FN1: variants seen among roughly 807,000 people sequenced by gnomAD.
The protein encoded by FN1 is fibronectin 1, also known as fibronectin.
A neutral mutation model predicts 297.3 loss-of-function variants in FN1; 106 were observed. That is an observed-to-expected ratio of 0.36 (90% CI 0.30 to 0.42). The LOEUF is 0.42. FN1 is among the 10% of genes least tolerant of loss of function. The pLI is 1.00. For missense variants in FN1, 2,690 were observed against 3,124.9 expected (o/e 0.86, Z 3.32); for synonymous variants, 1,149 against 1,152.6 (o/e 1.00, Z 0.06).
Position 215,399,985 on chromosome 2 carries a change from C to T in FN1, c.3254-634G>A, listed in dbSNP as rs920157986. On this transcript the variant is annotated intron_variant, in intron 20 of 45. Coordinates refer to ENST00000354785, the MANE Select transcript of FN1 (RefSeq NM_212482.4). ...GGTGGATCACTTGAGGTCAGGAGTT[C>T]GAGACCAGGCTGGCAAACATGGTGA... Among the ~76,000 whole-genome samples the T allele has an allele frequency of 1.6e-4, 25 of 152,006 alleles. No individual in the cohort carries two copies. The East Asian group carries it at 4.5e-3, about 27-fold the overall frequency.
At chr2:215,378,542 G>T (rs748926475) in intron 34 of FN1, among the ~76,000 whole-genome samples, 3 of 152,024 alleles carry the variant, frequency 2.0e-5, no homozygotes, top group Non-Finnish European at 4.4e-5. Context: ...GGGTATTAGC[G>T]TATTTTTCTT....
At chr2:215,392,909 C>T (rs779814207) in intron 25 of FN1, 22 bp downstream of exon 25, 30 of 1,611,972 alleles carry the variant, frequency 1.9e-5, no homozygotes, top group Middle Eastern at 2.2e-4. Context: ...ATGTCTCAAA[C>T]GCAGAAGTTT....
At chr2:215,388,401 C>A in intron 26 of FN1, 100 bp from the exon 27 acceptor site, 1 of 848,776 alleles carries the variant, frequency 1.2e-6, no homozygotes. Flanking sequence ...TCCAAATGTC[C>A]AGTCCTATAG....
At position 215,362,901 on chromosome 2, in the gene FN1, C is replaced by T. The variant is rs142545267; in HGVS notation, c.7252-822G>A. The T allele has an allele frequency of 7.3e-3, 1,111 of 152,510 alleles. 5 individuals are homozygous for T. The highest frequency in any genetic ancestry group is 0.01 in the Admixed American group (160 of 15,296). 9.4% of individuals were successfully genotyped at this position (152,510 alleles called of 1,614,324 possible). ...GAAGGCACGCGGAGCAAGAGGGAGT[C>T]CGGGCGCCATTGCTGGAGCAGCCCC... On this transcript the variant is annotated intron_variant, in intron 44 of 45. Coordinates refer to ENST00000354785, the MANE Select transcript of FN1 (RefSeq NM_212482.4).
intron 42 of FN1, among the ~76,000 whole-genome samples, chr2:215,366,795 AGT>A (rs2054707016): frequency 6.6e-6 from 1 of 152,196 alleles, no homozygotes; most frequent in Admixed American, 6.5e-5. Flanking sequence ...ATTGCACCTA[AGT>A]GCTCAAACAG....
At chr2:215,401,346 GGAAA>G (rs760641622) in intron 20 of FN1, among the ~76,000 whole-genome samples, 10 of 150,966 alleles carry the variant, frequency 6.6e-5, no homozygotes, top group South Asian at 2.1e-4. Context: ...GGAAAGGAAA[GGAAA>G]GAAAAAGAAA....
At chr2:215,420,927 T>A in intron 10 of FN1, 126 bp from the exon 11 acceptor site, 1 of 931,596 alleles carries the variant, frequency 1.1e-6, no homozygotes, top group Non-Finnish European at 1.7e-6. Context: ...CTAAAATAAC[T>A]TTTCTACAAG....
At chr2:215,414,313 AT>A (rs1381899340) in intron 13 of FN1, among the ~76,000 whole-genome samples, 3 of 152,188 alleles carry the variant, frequency 2.0e-5, no homozygotes, top group Non-Finnish European at 4.4e-5. Flanking sequence ...TCCATCCTTT[AT>A]CTAAACTTCC....
At chr2:215,378,408 A>G (rs1435751545) in intron 34 of FN1, 146 bp from the exon 35 acceptor site, 1 of 691,668 alleles carries the variant, frequency 1.4e-6, no homozygotes, top group East Asian at 2.7e-5. Flanking sequence ...TTCCTAGATT[A>G]ATTTCATTCC....
At position 215,380,936 on chromosome 2, in the gene FN1, G is replaced by T; in HGVS notation, c.5309C>A (p.Ala1770Glu). 6.2e-7 allele frequency: 1 copy of T among 1,614,256 alleles called. No individual in the cohort carries two copies. Among genetic ancestry groups the T allele is most frequent in the Non-Finnish European group, 8.5e-7 (1 of 1,180,050 alleles). ...TGCAGTGTCTTCTTCACCATCAGGT[G>T]CAGGGAATAGCTCATGGATTCCATC... ...PEDGIHELFP[A>E]PDGEEDTAEL... Residue 1770 changes from alanine (A) to glutamate (E), a missense_variant, in exon 33 of 46, where the codon GCA (alanine) becomes GAA (glutamate). By Grantham distance (107) the Ala-to-Glu change is moderately radical. Transcript: ENST00000354785.
intron 28 of FN1, among the ~76,000 whole-genome samples, chr2:215,386,356 C>T (rs1261115235): frequency 3.3e-5 from 5 of 152,012 alleles, no homozygotes; most frequent in Non-Finnish European, 5.9e-5. Context: ...AGATTACTGA[C>T]GTGAGCCACC....
At chr2:215,367,481 C>T (rs1446085629) in intron 42 of FN1, among the ~76,000 whole-genome samples, 1 of 152,126 alleles carries the variant, frequency 6.6e-6, no homozygotes, top group African/African-American at 2.4e-5. Context: ...AAATGTTCAC[C>T]TCTGATCTCA....
intron 10 of FN1, among the ~76,000 whole-genome samples, chr2:215,421,879 T>C (rs1003418357): frequency 6.6e-6 from 1 of 152,180 alleles, no homozygotes; most frequent in African/African-American, 2.4e-5. Flanking sequence ...GCTAGGAGTG[T>C]TTCAGAACAT....
At chr2:215,377,444 T>G (rs2106313500) in intron 35 of FN1, among the ~76,000 whole-genome samples, 1 of 152,242 alleles carries the variant, frequency 6.6e-6, no homozygotes, top group Admixed American at 6.5e-5. Context: ...GACTGGGTCA[T>G]TTAAATGTAT....
chr2:215,389,018 C>G (rs1399465274), intron 26 of FN1, among the ~76,000 whole-genome samples: 1 of 150,378 alleles, frequency 6.6e-6, no homozygotes, highest in Admixed American at 6.7e-5. Flanking sequence ...AGAAAGCAAT[C>G]GGTTCTGCCA....
In FN1 at chr2:215,428,272, T is replaced by G. The variant is rs1316405756; in HGVS notation, c.752A>C (p.Asn251Thr). 6.2e-7 allele frequency: 1 copy of G among 1,614,150 alleles called. No individual in the cohort carries two copies. Among genetic ancestry groups the G allele is most frequent in the Non-Finnish European group, 8.5e-7 (1 of 1,179,952 alleles). The change falls in exon 6 of 46, where the codon AAT becomes ACT. Residue 251 changes from asparagine (N) to threonine (T), a missense_variant. By Grantham distance (65) the Asn-to-Thr change is moderately conservative (BLOSUM62 0). Transcript: ENST00000354785. Reference protein sequence around the residue: ...RIGDTWSKKDNRGNLLQCICT... With the variant: ...RIGDTWSKKDTRGNLLQCICT... ...GATGCACTGGAGCAGGTTTCCTCGA[T>G]TATCCTTCTTGCTCCAGGTGTCTCC...
intron 43 of FN1, among the ~76,000 whole-genome samples, 154 bp downstream of exon 43, chr2:215,365,351 T>C (rs1378371755): frequency 6.6e-6 from 1 of 152,162 alleles, no homozygotes; most frequent in Non-Finnish European, 1.5e-5. Flanking sequence ...TTGAAGCTTG[T>C]CTCCACTTTC....
intron 41 of FN1, among the ~76,000 whole-genome samples, chr2:215,368,369 C>T (rs2106189690): frequency 6.6e-6 from 1 of 152,284 alleles, no homozygotes; most frequent in South Asian, 2.1e-4. Context: ...ACTAATGATG[C>T]CTCTCCATTG....
At chr2:215,385,219 T>C (rs1410453407) in intron 28 of FN1, among the ~76,000 whole-genome samples, 1 of 148,898 alleles carries the variant, frequency 6.7e-6, no homozygotes, top group Non-Finnish European at 1.5e-5. Flanking sequence ...AACATTTTAT[T>C]TGGAAAAATT....
Sources: gnomAD v4.1 joint callset for allele counts (sites outside exome capture counted in the v4.1 genomes callset) on GRCh38, gnomAD v4.1.1 for gene constraint, MANE v1.5 for transcripts, NCBI Gene and HGNC (gene_info 2026-07-23, HGNC 2026-07-21) for gene names.